RTN1: variants seen among roughly 807,000 people sequenced by gnomAD.
RTN1 encodes the protein reticulon 1, also known as reticulon-1.
A neutral mutation model predicts 65.5 loss-of-function variants in RTN1; 25 were observed. That is an observed-to-expected ratio of 0.38 (90% CI 0.28 to 0.53). The LOEUF is 0.53. Ranked by LOEUF, RTN1 falls within the 20% of genes least tolerant of loss-of-function variation. The probability of loss-of-function intolerance (pLI) is 0.79; values close to 1 mark genes in which losing one functional copy is unlikely to be tolerated. For synonymous variants in RTN1, 471 were observed against 447.6 expected, an observed-to-expected ratio of 1.05 and a Z score of -0.66; for missense variants, 983 against 1,025.4, an observed-to-expected ratio of 0.96 and a Z score of 0.57.
At chr14:59,747,494 A>G (rs536700421) in intron 1 of RTN1, among the ~76,000 whole-genome samples, 1 of 152,324 alleles carries the variant, frequency 6.6e-6, no homozygotes, top group South Asian at 2.1e-4. Flanking sequence ...CTGTAATCCC[A>G]GCTACTCAGG....
At chr14:59,819,112 C>T (rs1886875334) in intron 1 of RTN1, among the ~76,000 whole-genome samples, 1 of 152,072 alleles carries the variant, frequency 6.6e-6, no homozygotes, top group African/African-American at 2.4e-5. Context: ...GTTCATCCCT[C>T]CCAGTGGATT....
chr14:59,842,051 G>C (rs945099299), intron 1 of RTN1, among the ~76,000 whole-genome samples: 1 of 151,292 alleles, frequency 6.6e-6, no homozygotes, highest in Non-Finnish European at 1.5e-5. Flanking sequence ...GCTTGAACCC[G>C]GGAGGTGGAG....
chr14:59,796,946 T>C (rs937758876), intron 1 of RTN1, among the ~76,000 whole-genome samples: 2 of 152,138 alleles, frequency 1.3e-5, no homozygotes, highest in Non-Finnish European at 2.9e-5. Flanking sequence ...TCAATAAAAG[T>C]TTGTTGAGTT....
chr14:59,724,829 C>T (rs1884724677), intron 3 of RTN1, among the ~76,000 whole-genome samples: 1 of 152,138 alleles, frequency 6.6e-6, no homozygotes, highest in Non-Finnish European at 1.5e-5. Flanking sequence ...GCTCAAATTG[C>T]CTGCTGGCAT....
chr14:59,662,643 T>A (rs552294607), intron 3 of RTN1, among the ~76,000 whole-genome samples: 1 of 152,148 alleles, frequency 6.6e-6, no homozygotes, highest in East Asian at 1.9e-4. Flanking sequence ...GAGAACCAAA[T>A]CATGAGTGAA....
intron 3 of RTN1, among the ~76,000 whole-genome samples, chr14:59,698,066 A>C (rs781000125): frequency 3.9e-5 from 6 of 152,162 alleles, no homozygotes; most frequent in Non-Finnish European, 7.4e-5. Flanking sequence ...TTTTTATTTT[A>C]TGGCCCTGCA....
intron 3 of RTN1, among the ~76,000 whole-genome samples, chr14:59,629,621 C>T (rs751409517): frequency 2.0e-5 from 3 of 152,212 alleles, no homozygotes; most frequent in Non-Finnish European, 4.4e-5. Flanking sequence ...TACTCTGTAA[C>T]TGCAAGGTGA....
chr14:59,812,663 T>C (rs1886750228), intron 1 of RTN1, among the ~76,000 whole-genome samples: 1 of 152,244 alleles, frequency 6.6e-6, no homozygotes, highest in Non-Finnish European at 1.5e-5. Context: ...ATTCACCTAG[T>C]TTCACTGAGT....
intron 1 of RTN1, among the ~76,000 whole-genome samples, chr14:59,821,527 C>G (rs892428676): frequency 5.9e-5 from 9 of 152,166 alleles, no homozygotes. Context: ...CCTGACTGCT[C>G]TGGGTAGGAC....
chr14:59,731,727 A>AG (rs1884900671), intron 2 of RTN1, among the ~76,000 whole-genome samples: 1 of 152,170 alleles, frequency 6.6e-6, no homozygotes, highest in African/African-American at 2.4e-5. Context: ...TCTTCTCAAC[A>AG]GTATTTGACA....
chr14:59,707,536 A>T (rs1884320663), intron 3 of RTN1, among the ~76,000 whole-genome samples: 1 of 152,294 alleles, frequency 6.6e-6, no homozygotes, highest in Non-Finnish European at 1.5e-5. Flanking sequence ...CCTAGAAAAG[A>T]GCCTGGCATG....
In RTN1 at chr14:59,763,580, T is replaced by C. The variant is rs370588826; in HGVS notation, c.242-17099A>G. Among the ~76,000 whole-genome samples, 7 of 149,628 alleles carry C rather than the reference T, an allele frequency of 4.7e-5. No individual in the cohort carries two copies. The East Asian group carries it at 9.9e-4, about 21-fold the overall frequency. On this transcript the variant is annotated intron_variant, in intron 1 of 8. Transcript: ENST00000267484. ...CAGAGTCTCGCCCTGTTGCCCAGGC[T>C]GGAGTGCAGTGGCACGATCTCGGCT...
Position 59,726,983 on chromosome 14 carries a change from T to C in RTN1, c.1701A>G (p.Thr567=), listed in dbSNP as rs764438081. 1 of 1,613,448 alleles carries C rather than the reference T, an allele frequency of 6.2e-7. No individual in the cohort carries two copies. The highest frequency in any genetic ancestry group is 1.1e-5 in the South Asian group (1 of 90,924). ...CAGGACCTAGAGGCCCAGGGCCCTT[T>C]GTGGCCGCAGGACTTTGGTTGGAAC... ...DSSSNQSPAA[T]KGPGPLGPGA... The change falls in exon 3 of 9, where the codon ACA becomes ACG. Residue 567 remains threonine (T), a synonymous_variant. Coordinates refer to ENST00000267484, the MANE Select transcript of RTN1 (RefSeq NM_021136.3).
At chr14:59,654,827 G>A (rs927745277) in intron 3 of RTN1, among the ~76,000 whole-genome samples, 1 of 152,120 alleles carries the variant, frequency 6.6e-6, no homozygotes, top group Non-Finnish European at 1.5e-5. Flanking sequence ...TTGATAAAGG[G>A]AATCTCCAAA....
chr14:59,784,645 G>A (rs997654894), intron 1 of RTN1, among the ~76,000 whole-genome samples: 14 of 152,030 alleles, frequency 9.2e-5, no homozygotes, highest in African/African-American at 3.4e-4. Flanking sequence ...CTTTTGGGAG[G>A]GAAATTCAGC....
Position 59,870,639 on chromosome 14 carries a change from G to A in RTN1, c.-9C>T, listed in dbSNP as rs923975764. 10 of 1,375,834 alleles carry A rather than the reference G, an allele frequency of 7.3e-6. No individual in the cohort carries two copies. The highest frequency in any genetic ancestry group is 8.4e-6 in the Non-Finnish European group (9 of 1,071,604). The allele number at this position is 1,375,834 out of a possible 1,614,324, so 85.2% of individuals were successfully genotyped here. A position where few individuals can be genotyped will look rare whatever the true frequency, so the allele number is the denominator to read the frequency against. On this transcript the variant is annotated 5_prime_UTR_variant, in exon 1 of 9. Coordinates refer to ENST00000267484, the MANE Select transcript of RTN1 (RefSeq NM_021136.3). This position sits in a 1 kb window ranked among gnomAD's most constrained non-coding sequence, Gnocchi z 5.1. ...TCCCCCGGCGCGGCCATGGCTGGCGGTCCCCCGGCGCGGCGACGGCGGCTT... is the reference window on the plus strand; with the variant it reads ...TCCCCCGGCGCGGCCATGGCTGGCGATCCCCCGGCGCGGCGACGGCGGCTT...
chr14:59,725,192 A>G (rs1425597658), intron 3 of RTN1, among the ~76,000 whole-genome samples: 1 of 152,228 alleles, frequency 6.6e-6, no homozygotes. Context: ...GTGTCTGGTC[A>G]GTCAGTCCCA....
intron 1 of RTN1, among the ~76,000 whole-genome samples, chr14:59,748,228 T>TTTTTTC (rs60697306): frequency 6.6e-6 from 1 of 150,488 alleles, no homozygotes; most frequent in Non-Finnish European, 1.5e-5. Flanking sequence ...TTTTTTTTTT[T>TTTTTTC]CCGGGAATAT....
At position 59,622,724 on chromosome 14, in the gene RTN1, G is replaced by A. The variant is rs558993909; in HGVS notation, c.1766-15232C>T. Among the ~76,000 whole-genome samples the A allele has an allele frequency of 3.6e-4, 55 of 152,314 alleles. 2 individuals are homozygous for A. In the South Asian group the frequency reaches 0.011, roughly 30 times the overall value. ...GAAAACAGAAGTAGATGTAAACATA[G>A]AGACCTTCAAAGATGACATCTTCTA... On this transcript the variant is annotated intron_variant, in intron 3 of 8. Transcript: ENST00000267484.
Sources: allele counts gnomAD v4.1 joint callset (sites outside exome capture counted in the v4.1 genomes callset), GRCh38; gene constraint gnomAD v4.1.1; non-coding constraint Gnocchi (gnomAD v3.1); transcripts MANE v1.5; gene names NCBI Gene and HGNC (gene_info 2026-07-23, HGNC 2026-07-21).